FAM193A: variants seen among roughly 807,000 people sequenced by gnomAD.
FAM193A encodes protein FAM193A.
Under a neutral mutation model 126.5 loss-of-function variants are expected in FAM193A, and 22 were observed. That is an observed-to-expected ratio of 0.17 (90% CI 0.12 to 0.25). The LOEUF is 0.25. Among genes scored for constraint, FAM193A ranks in the 10% least tolerant of loss-of-function variants. The pLI is 1.00. For synonymous variants in FAM193A, 761 were observed against 646.8 expected (o/e 1.18, Z -2.68); for missense variants, 1,675 against 1,672.8 (o/e 1.00, Z -0.02).
intron 1 of FAM193A, among the ~76,000 whole-genome samples, chr4:2,545,711 T>A (rs1289733776): frequency 6.6e-6 from 1 of 152,216 alleles, no homozygotes. Context: ...AAACAGACTC[T>A]GACTCTGTTG....
intron 1 of FAM193A, among the ~76,000 whole-genome samples, chr4:2,540,899 T>G (rs1044637350): frequency 6.7e-6 from 1 of 150,372 alleles, no homozygotes; most frequent in Non-Finnish European, 1.5e-5. Context: ...AGACGGAGGT[T>G]GCAGTGAGCC....
chr4:2,574,430 T>C (rs1739473435), intron 1 of FAM193A, among the ~76,000 whole-genome samples: 1 of 152,300 alleles, frequency 6.6e-6, no homozygotes, highest in African/African-American at 2.4e-5. Flanking sequence ...TAAATTTGGC[T>C]TGGGACATGT....
At position 2,627,575 on chromosome 4, in the gene FAM193A, C is replaced by CTTTTTTT. The variant is rs753783682; in HGVS notation, c.803+1012_803+1018dup. ...TTTTGAATGCAGCACATTTGGGAGG[C>CTTTTTTT]TTTTTTTTTTTTTTTTTTTTCAGAT... is the stretch of plus-strand genomic sequence containing the variant. On this transcript the variant is annotated intron_variant, in intron 4 of 20. Coordinates refer to ENST00000637812, the MANE Select transcript of FAM193A (RefSeq NM_001366318.2). Among the ~76,000 whole-genome samples the CTTTTTTT allele has an allele frequency of 9.5e-4, 61 of 63,998 alleles. 2 individuals carry two copies. Among genetic ancestry groups the CTTTTTTT allele is most frequent in the African/African-American group, 3.2e-3 (59 of 18,270 alleles). The allele number at this position is 63,998 out of a possible 152,430, so 42.0% of individuals were successfully genotyped here.
chr4:2,595,458 C>T (rs1740803151), intron 1 of FAM193A, among the ~76,000 whole-genome samples: 2 of 152,160 alleles, frequency 1.3e-5, no homozygotes, highest in South Asian at 4.1e-4. Context: ...CTTGCCTTTT[C>T]CTCCTACCTC....
At chr4:2,654,438 C>A (rs2109083604) in intron 7 of FAM193A, 1 of 145,298 alleles carries the variant, frequency 6.9e-6, no homozygotes, top group South Asian at 2.2e-4. Context: ...CCGTGTTGCC[C>A]AGGCTGGAAG....
Position 2,596,202 on chromosome 4 carries a change from C to T in FAM193A, c.374C>T (p.Ala125Val), listed in dbSNP as rs565685422. ...SSFLESGIKT[A>V]SKLALSMAPK... ...TTCTTAGAGAGTGGAATTAAGACTG[C>T]GAGCAAATTGGCCCTTTCCATGGCT... Residue 125 changes from alanine (A) to valine (V), a missense_variant, in exon 2 of 21, where the codon GCG becomes GTG. Ala to Val is a moderately conservative substitution (Grantham distance 64). Transcript: ENST00000637812. 6.1e-5 allele frequency: 43 copies of T among 702,920 alleles called. No homozygotes were observed. The highest frequency in any genetic ancestry group is 2.6e-4 in the African/African-American group (15 of 57,348). 43.5% of individuals were successfully genotyped at this position (702,920 alleles called of 1,614,324 possible).
intron 1 of FAM193A, among the ~76,000 whole-genome samples, chr4:2,550,924 C>G (rs1442373322): frequency 6.6e-6 from 1 of 151,982 alleles, no homozygotes; most frequent in Non-Finnish European, 1.5e-5. Flanking sequence ...CCTCAGCCTC[C>G]CAAGTAGCTG....
At chr4:2,604,514 AT>A (rs1307403777) in intron 2 of FAM193A, among the ~76,000 whole-genome samples, 1 of 152,180 alleles carries the variant, frequency 6.6e-6, no homozygotes, top group African/African-American at 2.4e-5. Flanking sequence ...GCTGGGTAGA[AT>A]ACAGGTTGAA....
intron 6 of FAM193A, among the ~76,000 whole-genome samples, chr4:2,646,305 G>A (rs1745137783): frequency 6.6e-6 from 1 of 151,466 alleles, no homozygotes; most frequent in Admixed American, 6.6e-5. Context: ...GAGTAGCTGG[G>A]GCTATGAGTG....
intron 20 of FAM193A, among the ~76,000 whole-genome samples, chr4:2,730,409 G>T (rs921550855): frequency 6.6e-6 from 1 of 152,168 alleles, no homozygotes; most frequent in Non-Finnish European, 1.5e-5. Flanking sequence ...GCTTCTTGGA[G>T]GCCGGGCGCG....
At chr4:2,613,688 G>C (rs992086741) in intron 2 of FAM193A, among the ~76,000 whole-genome samples, 2 of 151,574 alleles carry the variant, frequency 1.3e-5, no homozygotes, top group Admixed American at 1.3e-4. Flanking sequence ...TCCCGACCTC[G>C]GGTGATCCGC....
chr4:2,660,467 T>C (rs1359606207), intron 10 of FAM193A, among the ~76,000 whole-genome samples: 2 of 152,214 alleles, frequency 1.3e-5, no homozygotes, highest in Non-Finnish European at 2.9e-5. Context: ...GTTTCTGTTT[T>C]TCATGTTCCC....
intron 13 of FAM193A, among the ~76,000 whole-genome samples, chr4:2,675,411 A>G (rs766122498): frequency 1.1e-4 from 16 of 152,150 alleles, no homozygotes; most frequent in Non-Finnish European, 2.1e-4. Flanking sequence ...CTTTTGCCCT[A>G]CAAAGTTTGA....
intron 13 of FAM193A, among the ~76,000 whole-genome samples, chr4:2,677,058 C>T (rs78683570): frequency 0.03 from 4,629 of 152,240 alleles, 255 homozygotes; most frequent in African/African-American, 0.1. Flanking sequence ...GCTCTCTGTT[C>T]TCTCCTAAGA....
At chr4:2,560,447 C>G (rs956238000) in intron 1 of FAM193A, among the ~76,000 whole-genome samples, 2 of 152,170 alleles carry the variant, frequency 1.3e-5, no homozygotes, top group East Asian at 1.9e-4. Flanking sequence ...TGCGCTGTGG[C>G]CTGCTTGGCA....
chr4:2,681,301 AT>A lies in FAM193A; in HGVS notation c.2332-8195del, dbSNP rs548401398. Among the ~76,000 whole-genome samples the A allele has an allele frequency of 3.0e-3, 429 of 144,856 alleles. 3 individuals carry two copies. The highest frequency in any genetic ancestry group is 8.5e-3 in the African/African-American group (333 of 39,304). ...AAAGAACTATATTTTGGTTTCATTGATTTTTTTTTTCCCCTATTGTTTTTCT... is the reference window on the plus strand; with the variant it reads ...AAAGAACTATATTTTGGTTTCATTGATTTTTTTTTCCCCTATTGTTTTTCT... On this transcript the variant is annotated intron_variant, in intron 13 of 20. Coordinates refer to ENST00000637812, the MANE Select transcript of FAM193A (RefSeq NM_001366318.2).
intron 1 of FAM193A, among the ~76,000 whole-genome samples, chr4:2,591,618 CT>C (rs1296756258): frequency 6.6e-6 from 1 of 152,114 alleles, no homozygotes; most frequent in Non-Finnish European, 1.5e-5. Context: ...TGTTTTTACC[CT>C]AAGATGACCT....
At chr4:2,676,739 G>A (rs1714446187) in intron 13 of FAM193A, among the ~76,000 whole-genome samples, 2 of 152,076 alleles carry the variant, frequency 1.3e-5, no homozygotes, top group Admixed American at 6.5e-5. Flanking sequence ...TCAGGAGGTC[G>A]AGACCATCCT....
chr4:2,540,701 C>G (rs1041241111), intron 1 of FAM193A, among the ~76,000 whole-genome samples: 1 of 152,158 alleles, frequency 6.6e-6, no homozygotes, highest in Admixed American at 6.5e-5. Flanking sequence ...TGGCTCACAC[C>G]TGTAATCCCA....
Sources: gnomAD v4.1 joint callset for allele counts (sites outside exome capture counted in the v4.1 genomes callset) on GRCh38, gnomAD v4.1.1 for gene constraint, MANE v1.5 for transcripts, NCBI Gene and HGNC (gene_info 2026-07-23, HGNC 2026-07-21) for gene names.